Variants in TPO observed in about 807,000 individuals in gnomAD.
The protein encoded by TPO is thyroid microsomal antigen.
Under a neutral mutation model 96.9 loss-of-function variants are expected in TPO, and 78 were observed. That is an observed-to-expected ratio of 0.81 (90% confidence interval 0.67 to 0.97). The LOEUF (loss-of-function observed/expected upper bound fraction) is 0.97. Ranked by LOEUF, TPO falls within the 50% of genes least tolerant of loss-of-function variation. TPO has a pLI of 0.00. For missense variants in TPO, 1,252 were observed against 1,274.8 expected, an observed-to-expected ratio of 0.98 and a Z score of 0.27; for synonymous variants, 547 against 538.0, an observed-to-expected ratio of 1.02 and a Z score of -0.23.
At chr2:1,524,469 C>T (rs1376068580) in intron 15 of TPO, among the ~76,000 whole-genome samples, 1 of 116,726 alleles carries the variant, frequency 8.6e-6, no homozygotes, top group Non-Finnish European at 1.8e-5. Flanking sequence ...CCCCAAATCC[C>T]ACCCACTGTG....
chr2:1,532,800 A>T (rs1482359429), intron 15 of TPO, among the ~76,000 whole-genome samples: 1 of 29,594 alleles, frequency 3.4e-5, no homozygotes, highest in Admixed American at 5.0e-4. Context: ...CCCCCACACT[A>T]TGTGCAACCT....
At chr2:1,407,108 T>C (rs556924414) in intron 1 of TPO, among the ~76,000 whole-genome samples, 1 of 152,174 alleles carries the variant, frequency 6.6e-6, no homozygotes, top group Non-Finnish European at 1.5e-5. Flanking sequence ...AACACAGACA[T>C]GCAGCCCTCA....
At chr2:1,400,708 T>C (rs2148373301) in intron 1 of TPO, among the ~76,000 whole-genome samples, 1 of 151,962 alleles carries the variant, frequency 6.6e-6, no homozygotes, top group South Asian at 2.1e-4. Flanking sequence ...CACGTTTCAG[T>C]GGAACTGATG....
At chr2:1,396,468 C>A (rs1010325815) in intron 1 of TPO, among the ~76,000 whole-genome samples, 1 of 152,232 alleles carries the variant, frequency 6.6e-6, no homozygotes, top group African/African-American at 2.4e-5. Context: ...TGTCAGCCAT[C>A]TGCAAATCTG....
intron 2 of TPO, among the ~76,000 whole-genome samples, chr2:1,418,032 C>T (rs1209553922): frequency 1.3e-5 from 2 of 152,196 alleles, no homozygotes; most frequent in Non-Finnish European, 2.9e-5. Flanking sequence ...TCTGCAATCC[C>T]AACACTTTGG....
intron 7 of TPO, among the ~76,000 whole-genome samples, chr2:1,474,600 C>T (rs1347650096): frequency 6.6e-6 from 1 of 152,228 alleles, no homozygotes; most frequent in Non-Finnish European, 1.5e-5. Context: ...TTGTCTATCT[C>T]TTCCATCCTC....
rs886054972 is a variant in TPO at position 1,540,677 on chromosome 2, C to G, written c.2702C>G (p.Ala901Gly). The change falls in exon 16 of 17, where the codon GCC (alanine) becomes GGC (glycine). Residue 901 changes from alanine (A) to glycine (G), a missense_variant. By Grantham distance (60) the Ala-to-Gly change is moderately conservative. Transcript: ENST00000329066. ...GAGCTGAGATGCGGAAAGCACCAGGCCGTAGGGACCTCACCGCAGCGGGCC... is the reference window on the plus strand; with the variant it reads ...GAGCTGAGATGCGGAAAGCACCAGGGCGTAGGGACCTCACCGCAGCGGGCC... ...TPELRCGKHQAVGTSPQRAAA... is the reference protein window; with the variant it reads ...TPELRCGKHQGVGTSPQRAAA... 8 of 1,613,294 alleles carry G rather than the reference C, an allele frequency of 5.0e-6. No individual in the cohort carries two copies. The highest frequency in any genetic ancestry group is 6.8e-6 in the Non-Finnish European group (8 of 1,180,020).
At chr2:1,374,596 T>C (rs1168557623) in intron 1 of TPO, among the ~76,000 whole-genome samples, 1 of 152,212 alleles carries the variant, frequency 6.6e-6, no homozygotes, top group Non-Finnish European at 1.5e-5. Context: ...CCTTTCGGGT[T>C]CTAAGTTTTA....
At chr2:1,383,116 A>G (rs1227949828) in intron 1 of TPO, among the ~76,000 whole-genome samples, 7 of 152,098 alleles carry the variant, frequency 4.6e-5, no homozygotes, top group African/African-American at 1.7e-4. Flanking sequence ...TCCTTAATCC[A>G]GTCTATCATT....
At chr2:1,462,026 G>T (rs1016433433) in intron 7 of TPO, among the ~76,000 whole-genome samples, 3 of 152,160 alleles carry the variant, frequency 2.0e-5, no homozygotes, top group African/African-American at 7.2e-5. Flanking sequence ...TTTCTTTTTA[G>T]GGCTCAGTTA....
At chr2:1,505,532 C>A (rs1392104973) in intron 14 of TPO, among the ~76,000 whole-genome samples, 1 of 138,566 alleles carries the variant, frequency 7.2e-6, no homozygotes, top group Non-Finnish European at 1.5e-5. Flanking sequence ...CAAGCACAAC[C>A]CCCCTCCTGT....
At chr2:1,500,723 T>C (rs1022694170) in intron 13 of TPO, among the ~76,000 whole-genome samples, 1 of 151,948 alleles carries the variant, frequency 6.6e-6, no homozygotes, top group African/African-American at 2.4e-5. Context: ...TCCCAGCACT[T>C]TGGGAGGCCG....
At chr2:1,399,852 A>G (rs998768911) in intron 1 of TPO, among the ~76,000 whole-genome samples, 2 of 152,230 alleles carry the variant, frequency 1.3e-5, no homozygotes, top group Non-Finnish European at 2.9e-5. Flanking sequence ...AGGCACATCA[A>G]CGGGTGCACA....
chr2:1,413,544 A>G lies in TPO; in HGVS notation c.-3A>G. ...TGCAGTTGGCTGAGAAGAGGAAAAA[A>G]GGTCAGGTTGTAAAGCTTTTTATTT... On this transcript the variant is annotated splice_region_variant and 5_prime_UTR_variant, in exon 1 of 17. Coordinates refer to ENST00000329066, the MANE Select transcript of TPO (RefSeq NM_001206744.2). 2.2e-6 allele frequency: 1 copy of G among 461,422 alleles called. No individual in the cohort carries two copies. The highest frequency in any genetic ancestry group is 2.8e-6 in the Non-Finnish European group (1 of 351,028). 28.6% of individuals were successfully genotyped at this position (461,422 alleles called of 1,614,324 possible).
intron 2 of TPO, among the ~76,000 whole-genome samples, chr2:1,414,903 A>G (rs943978075): frequency 6.6e-6 from 1 of 152,278 alleles, no homozygotes. Flanking sequence ...TGGTTAAAAT[A>G]ATCACAGATC....
intron 5 of TPO, among the ~76,000 whole-genome samples, chr2:1,441,034 C>T (rs1309141872): frequency 6.6e-6 from 1 of 151,882 alleles, no homozygotes; most frequent in Non-Finnish European, 1.5e-5. Context: ...ACAGGAGGCA[C>T]TATGTTGGAA....
chr2:1,527,036 C>T (rs1487662110), intron 15 of TPO, among the ~76,000 whole-genome samples: 6 of 135,430 alleles, frequency 4.4e-5, no homozygotes, highest in African/African-American at 2.8e-5. Flanking sequence ...CTCCTCAAAT[C>T]CCCCCACTGT....
At chr2:1,464,473 C>T (rs1668722117) in intron 7 of TPO, among the ~76,000 whole-genome samples, 1 of 152,180 alleles carries the variant, frequency 6.6e-6, no homozygotes, top group African/African-American at 2.4e-5. Context: ...GGAATCTCCA[C>T]GGTGTTTTTC....
In TPO at chr2:1,423,033, T is replaced by C; in HGVS notation, c.95-12T>C. 1 of 1,613,926 alleles carries C rather than the reference T, an allele frequency of 6.2e-7. No individual in the cohort carries two copies. The highest frequency in any genetic ancestry group is 8.5e-7 in the Non-Finnish European group (1 of 1,179,804). ...TCATTGCGCTTTGACTGTGTGACAT[T>C]CTGTTCCGTAGGAAAGCCTGAGGAG... is the stretch of plus-strand genomic sequence containing the variant. On this transcript the variant is annotated splice_polypyrimidine_tract_variant and intron_variant, in intron 2 of 16. Coordinates refer to ENST00000329066, the MANE Select transcript of TPO (RefSeq NM_001206744.2).
Sources: allele counts gnomAD v4.1 joint callset (sites outside exome capture counted in the v4.1 genomes callset), GRCh38; gene constraint gnomAD v4.1.1; transcripts MANE v1.5; gene names NCBI Gene and HGNC (gene_info 2026-07-23, HGNC 2026-07-21).